The following AHI1 variants were observed in gnomAD, a reference collection of about 807,000 sequenced individuals.
AHI1 encodes jouberin.
A neutral mutation model predicts 149.3 loss-of-function variants in AHI1; 123 were observed. That is an observed-to-expected ratio of 0.82 (90% CI 0.71 to 0.96). The LOEUF (loss-of-function observed/expected upper bound fraction) is 0.96, where lower values mean the gene tolerates loss of function less well. Among genes scored for constraint, AHI1 ranks in the 40% least tolerant of loss-of-function variants. The pLI, the probability that AHI1 is intolerant of heterozygous loss-of-function variation, is 0.00. For missense variants in AHI1, 1,439 were observed against 1,422.7 expected (o/e 1.01, Z -0.18); for synonymous variants, 475 against 459.8 (o/e 1.03, Z -0.42).
intron 26 of AHI1, among the ~76,000 whole-genome samples, chr6:135,308,289 G>A (rs1455906543): frequency 6.6e-6 from 1 of 152,116 alleles, no homozygotes; most frequent in Non-Finnish European, 1.5e-5. Context: ...AGACTTGAGT[G>A]CAGTAGCACG....
chr6:135,298,017 G>C (rs1783356090), intron 27 of AHI1, among the ~76,000 whole-genome samples: 2 of 151,824 alleles, frequency 1.3e-5, no homozygotes, highest in Non-Finnish European at 1.5e-5. Context: ...ATGAAATAAA[G>C]GTTGCTATGT....
chr6:135,300,640 C>T, intron 26 of AHI1, 82 bp from the exon 27 acceptor site: 2 of 1,541,226 alleles, frequency 1.3e-6, no homozygotes, highest in East Asian at 2.5e-5. Context: ...TGAAAACCCA[C>T]CAACTTCCTG....
At chr6:135,457,840 G>T in intron 8 of AHI1, 127 bp from the exon 9 acceptor site, 1 of 800,398 alleles carries the variant, frequency 1.2e-6, no homozygotes, top group Non-Finnish European at 2.0e-6. Context: ...GGGAAAGAAA[G>T]AAAAAGCCAG....
intron 11 of AHI1, among the ~76,000 whole-genome samples, chr6:135,448,787 T>C (rs1583284749): frequency 6.6e-6 from 1 of 152,336 alleles, no homozygotes; most frequent in East Asian, 1.9e-4. Context: ...AAGTGATCAA[T>C]ACACATGTTT....
intron 26 of AHI1, among the ~76,000 whole-genome samples, chr6:135,312,632 C>T (rs143416912): frequency 1.6e-4 from 24 of 152,308 alleles, no homozygotes; most frequent in African/African-American, 5.8e-4. Context: ...CAGAACCTGG[C>T]TAACTGTGCA....
chr6:135,357,115 T>C (rs1352495492), intron 24 of AHI1, among the ~76,000 whole-genome samples: 1 of 150,864 alleles, frequency 6.6e-6, no homozygotes, highest in Non-Finnish European at 1.5e-5. Context: ...ACTTTTTGTA[T>C]TTTAGTAGAG....
intron 23 of AHI1, among the ~76,000 whole-genome samples, chr6:135,385,279 G>A (rs762587114): frequency 3.3e-5 from 5 of 152,042 alleles, no homozygotes; most frequent in Non-Finnish European, 7.4e-5. Context: ...TAAGGGAGTG[G>A]GCATATATAG....
Position 135,447,214 on chromosome 6 carries a change from T to C in AHI1, c.1627-54A>G, listed in dbSNP as rs140545222. 1.4e-5 allele frequency: 17 copies of C among 1,243,680 alleles called. No homozygotes were observed. The African/African-American group carries it at 2.3e-4, about 17-fold the overall frequency. The allele number at this position is 1,243,680 out of a possible 1,614,324, so 77.0% of individuals were successfully genotyped here. On this transcript the variant is annotated intron_variant, in intron 12 of 28. Coordinates refer to ENST00000265602, the MANE Select transcript of AHI1 (RefSeq NM_001134831.2). The stretch of plus-strand genomic sequence containing the variant: ...ATATACCATGTTCACCTTTTTCTTT[T>C]TCTAGCATATAGTTTTTAAAATACT...
intron 5 of AHI1, among the ~76,000 whole-genome samples, chr6:135,479,804 T>A (rs775662815): frequency 6.6e-6 from 1 of 152,214 alleles, no homozygotes; most frequent in African/African-American, 2.4e-5. Context: ...AATCTCATGA[T>A]GAATTACCAC....
intron 10 of AHI1, among the ~76,000 whole-genome samples, chr6:135,454,625 A>G (rs192081033): frequency 6.4e-4 from 97 of 152,304 alleles, no homozygotes; most frequent in Admixed American, 1.9e-3. Context: ...CACTTAAAAA[A>G]CTGAGATCAA....
At chr6:135,295,505 G>T (rs757135297) in intron 27 of AHI1, among the ~76,000 whole-genome samples, 1 of 152,114 alleles carries the variant, frequency 6.6e-6, no homozygotes, top group Non-Finnish European at 1.5e-5. Context: ...ACAAAGACTT[G>T]TATATAAATG....
intron 27 of AHI1, among the ~76,000 whole-genome samples, chr6:135,293,406 G>GAAAAAA (rs71547029): frequency 1.7e-4 from 11 of 65,574 alleles, no homozygotes; most frequent in African/African-American, 2.7e-4. Flanking sequence ...AAAAAAAAAA[G>GAAAAAA]AAAAAAAAAA....
At chr6:135,417,685 T>C (rs763578549) in intron 20 of AHI1, among the ~76,000 whole-genome samples, 3 of 151,980 alleles carry the variant, frequency 2.0e-5, no homozygotes, top group Non-Finnish European at 4.4e-5. Flanking sequence ...AGCCAACTGA[T>C]TGGTATTCAA....
chr6:135,350,677 A>T (rs1231512651), intron 24 of AHI1, among the ~76,000 whole-genome samples: 2 of 152,170 alleles, frequency 1.3e-5, no homozygotes, highest in East Asian at 3.8e-4. Flanking sequence ...AAAAGTTAAC[A>T]TTTACCTGGG....
chr6:135,389,342 A>AAT (rs1341473441), intron 23 of AHI1, among the ~76,000 whole-genome samples: 2 of 152,002 alleles, frequency 1.3e-5, no homozygotes, highest in African/African-American at 4.8e-5. Flanking sequence ...CAGTTCTTCA[A>AAT]ATATTATTCA....
Position 135,357,988 on chromosome 6 carries a change from C to T in AHI1, c.3165+144G>A, listed in dbSNP as rs1469326571. The stretch of plus-strand genomic sequence containing the variant: ...AAACTATAAATTATTTCTAAGTTAA[C>T]AACATTAATATGAACAAATCTTGCA... On this transcript the variant is annotated intron_variant, in intron 24 of 28. Coordinates refer to ENST00000265602, the MANE Select transcript of AHI1 (RefSeq NM_001134831.2). The T allele has an allele frequency of 4.6e-6, 3 of 652,230 alleles. No homozygotes were observed. The East Asian group carries it at 8.7e-5, about 19-fold the overall frequency. The allele number at this position is 652,230 out of a possible 1,614,324, so 40.4% of individuals were successfully genotyped here.
chr6:135,292,109 T>TACACACACACACAC (rs10646107), intron 27 of AHI1, among the ~76,000 whole-genome samples: 6 of 148,334 alleles, frequency 4.0e-5, no homozygotes, highest in Non-Finnish European at 7.5e-5. Flanking sequence ...GGCAGCTAAT[T>TACACACACACACAC]ACACACACAC....
intron 27 of AHI1, among the ~76,000 whole-genome samples, chr6:135,296,269 C>T (rs1783082911): frequency 6.6e-6 from 1 of 152,194 alleles, no homozygotes; most frequent in Non-Finnish European, 1.5e-5. Context: ...GAGGCACCAC[C>T]ACCAAGTCTC....
intron 22 of AHI1, among the ~76,000 whole-genome samples, chr6:135,399,879 T>C (rs1035058995): frequency 3.3e-5 from 5 of 151,868 alleles, no homozygotes; most frequent in South Asian, 4.2e-4. Context: ...GTCTTCCAAA[T>C]AGTGCCAACA....
Sources: allele counts gnomAD v4.1 joint callset (sites outside exome capture counted in the v4.1 genomes callset), GRCh38; gene constraint gnomAD v4.1.1; transcripts MANE v1.5; gene names NCBI Gene and HGNC (gene_info 2026-07-23, HGNC 2026-07-21).